The following EZR variants were observed in gnomAD, a reference collection of about 807,000 sequenced individuals.
EZR encodes cytovillin 2.
Under a neutral mutation model 74.8 loss-of-function variants are expected in EZR, and 40 were observed. The ratio of observed to expected loss-of-function variants is 0.53; its 90% CI spans 0.42 to 0.70. EZR has a LOEUF of 0.70. Among genes scored for constraint, EZR ranks in the 30% least tolerant of loss-of-function variants. EZR has a pLI of 0.00. For synonymous variants in EZR, 341 were observed against 283.3 expected (o/e 1.20, Z -2.05); for missense variants, 678 against 755.8 (o/e 0.90, Z 1.21).
intron 2 of EZR, among the ~76,000 whole-genome samples, chr6:158,807,314 C>CAAAAA (rs56041297): frequency 2.2e-5 from 3 of 136,284 alleles, no homozygotes; most frequent in South Asian, 2.4e-4. Flanking sequence ...GACTCCGTCT[C>CAAAAA]AAAAAAAAAA....
chr6:158,807,532 A>G lies in EZR; in HGVS notation c.12+10550T>C, dbSNP rs139499335. ...TGCAAAAACAAGTTCTTGAAGAAAG[A>G]CCATCATGGTTCACTGTCCAACCCA... On this transcript the variant is annotated intron_variant, in intron 2 of 13. Transcript: ENST00000367075. Among the ~76,000 whole-genome samples the G allele has an allele frequency of 1.2e-4, 18 of 152,330 alleles. No individual in the cohort carries two copies. The Middle Eastern group carries it at 0.01, about 86-fold the overall frequency.
At chr6:158,806,250 G>A (rs951549215) in intron 2 of EZR, among the ~76,000 whole-genome samples, 2 of 152,148 alleles carry the variant, frequency 1.3e-5, no homozygotes, top group African/African-American at 2.4e-5. Context: ...CAGGGAATGG[G>A]GGACCTGCCC....
At chr6:158,796,536 T>TGA (rs1415611812) in intron 2 of EZR, among the ~76,000 whole-genome samples, 1 of 152,230 alleles carries the variant, frequency 6.6e-6, no homozygotes, top group East Asian at 1.9e-4. Context: ...GATCATTCTA[T>TGA]GACTTAAAAT....
At chr6:158,795,103 T>G (rs1777040399) in intron 2 of EZR, among the ~76,000 whole-genome samples, 1 of 151,610 alleles carries the variant, frequency 6.6e-6, no homozygotes, top group South Asian at 2.1e-4. Context: ...AATATAAAAA[T>G]TAGCCAAATG....
chr6:158,807,293 CGACA>C (rs1477340816), intron 2 of EZR, among the ~76,000 whole-genome samples: 7 of 143,408 alleles, frequency 4.9e-5, no homozygotes, highest in Admixed American at 1.5e-4. Context: ...CCAGCCTGGG[CGACA>C]GACAGAGACT....
chr6:158,815,029 T>C (rs1009209403), intron 2 of EZR, among the ~76,000 whole-genome samples: 17 of 152,246 alleles, frequency 1.1e-4, no homozygotes, highest in Non-Finnish European at 2.2e-4. Context: ...GAAGGCCAAC[T>C]ACTCAGAGGT....
At chr6:158,811,234 A>C (rs1368256815) in intron 2 of EZR, among the ~76,000 whole-genome samples, 2 of 152,256 alleles carry the variant, frequency 1.3e-5, no homozygotes, top group East Asian at 3.8e-4. Flanking sequence ...TAATTGGAGT[A>C]CTTGGGGAGT....
intron 7 of EZR, among the ~76,000 whole-genome samples, chr6:158,780,584 C>A (rs1791409916): frequency 6.6e-6 from 1 of 152,184 alleles, no homozygotes; most frequent in South Asian, 2.1e-4. Flanking sequence ...TCCCCGTGCA[C>A]CCTTTCCCTT....
chr6:158,789,862 C>T (rs910398650), intron 2 of EZR, among the ~76,000 whole-genome samples: 2 of 152,250 alleles, frequency 1.3e-5, no homozygotes. Context: ...TCAAGCAAGC[C>T]TCCCATCTCA....
At chr6:158,806,888 G>A (rs193101194) in intron 2 of EZR, among the ~76,000 whole-genome samples, 20 of 152,206 alleles carry the variant, frequency 1.3e-4, no homozygotes, top group African/African-American at 3.9e-4. Flanking sequence ...TTTAACTGAG[G>A]CAATGAAACA....
Position 158,767,510 on chromosome 6 carries a change from G to T in EZR, c.1347C>A (p.Ala449=). The part of the protein sequence containing the change: ...EDEVEEWQHR[A]KEAQDDLVKT... ...TCACCAGGTCATCCTGGGCTTCTTT[G>T]GCCTTTGGAAAGCAAATTAATAAGA... The change falls in exon 13 of 14, where the codon GCC becomes GCA. Residue 449 remains alanine, a splice_region_variant and synonymous_variant. Coordinates refer to ENST00000367075, the MANE Select transcript of EZR (RefSeq NM_001111077.2). 2 of 1,575,114 alleles carry T rather than the reference G, an allele frequency of 1.3e-6. No homozygotes were observed.
In EZR at chr6:158,789,280, A is replaced by G; in HGVS notation, c.96+8T>C. The G allele has an allele frequency of 6.2e-7, 1 of 1,611,828 alleles. No homozygotes were observed. The highest frequency in any genetic ancestry group is 8.5e-7 in the Non-Finnish European group (1 of 1,178,318). On this transcript the variant is annotated splice_region_variant and intron_variant, in intron 3 of 13. Coordinates refer to ENST00000367075, the MANE Select transcript of EZR (RefSeq NM_001111077.2). ...AGGTGGAGTTAACTCTCAAGTTCAGAGACCAACCTGATCAAAAAGCTGTTT... is the reference window on the plus strand; with the variant it reads ...AGGTGGAGTTAACTCTCAAGTTCAGGGACCAACCTGATCAAAAAGCTGTTT...
intron 11 of EZR, 108 bp downstream of exon 11, chr6:158,769,676 G>C: frequency 6.8e-7 from 1 of 1,474,214 alleles, no homozygotes; most frequent in Non-Finnish European, 9.3e-7. Flanking sequence ...CAGCAGATCA[G>C]TTTACAGCTT....
chr6:158,802,111 T>G (rs1777198925), intron 2 of EZR, among the ~76,000 whole-genome samples: 1 of 149,994 alleles, frequency 6.7e-6, no homozygotes, highest in Admixed American at 6.6e-5. Flanking sequence ...CAATCTGGCC[T>G]CCCCACCCAT....
intron 2 of EZR, among the ~76,000 whole-genome samples, chr6:158,794,419 T>C (rs1777023406): frequency 6.6e-6 from 1 of 152,180 alleles, no homozygotes; most frequent in Admixed American, 6.5e-5. Context: ...TCAGCAACTG[T>C]TTTTAGTGAA....
At chr6:158,768,936 C>T (rs1044554609) in intron 12 of EZR, among the ~76,000 whole-genome samples, 2 of 152,096 alleles carry the variant, frequency 1.3e-5, no homozygotes, top group African/African-American at 4.8e-5. Flanking sequence ...TGCAGGAGGT[C>T]GTGTTTCAGG....
intron 2 of EZR, among the ~76,000 whole-genome samples, chr6:158,797,002 A>G (rs1239916304): frequency 6.6e-6 from 1 of 152,234 alleles, no homozygotes; most frequent in East Asian, 1.9e-4. Flanking sequence ...ATCTATGAAT[A>G]TAATTGCTGA....
At position 158,785,532 on chromosome 6, in the gene EZR, C is replaced by T. The variant is rs763617769; in HGVS notation, c.244G>A (p.Ala82Thr). 6.2e-7 allele frequency: 1 copy of T among 1,614,160 alleles called. No homozygotes were observed. The highest frequency in any genetic ancestry group is 1.1e-5 in the South Asian group (1 of 91,080). Reference sequence around the variant, plus strand: ...GCCACATCTTCAGGGTAGAACTTGGCCCGGAACTTGAACTGGAGGGGATTC... The same window carrying T: ...GCCACATCTTCAGGGTAGAACTTGGTCCGGAACTTGAACTGGAGGGGATTC... ...KENPLQFKFR[A>T]KFYPEDVAEE... is the part of the protein sequence containing the mutation. The change falls in exon 5 of 14, where the codon GCC becomes ACC. Residue 82 changes from alanine to threonine, a missense_variant. By Grantham distance (58) the Ala-to-Thr change is moderately conservative. This residue lies in a region of EZR where 217 missense variants were observed against 232.2 expected (regional missense o/e 0.93). Transcript: ENST00000367075.
chr6:158,783,496 AGAT>A (rs1354369464), intron 7 of EZR, 21 bp downstream of exon 7: 1 of 1,603,902 alleles, frequency 6.2e-7, no homozygotes, highest in East Asian at 2.2e-5. Flanking sequence ...TACCTACTGA[AGAT>A]AACTGTGAAC....
Sources: gnomAD v4.1 joint callset for allele counts (sites outside exome capture counted in the v4.1 genomes callset) on GRCh38, gnomAD v4.1.1 for gene constraint, gnomAD v4.1.1 regional missense constraint, MANE v1.5 for transcripts, NCBI Gene and HGNC (gene_info 2026-07-23, HGNC 2026-07-21) for gene names.